The following CLHC1 variants were observed in gnomAD, a reference collection of about 807,000 sequenced individuals.
CLHC1 encodes the protein clathrin heavy chain linker domain-containing protein 1.
Under a neutral mutation model 69.5 loss-of-function variants are expected in CLHC1, and 72 were observed. That is an observed-to-expected ratio of 1.04 (90% CI 0.86 to 1.26). The LOEUF (loss-of-function observed/expected upper bound fraction) is 1.26. Among genes scored for constraint, CLHC1 ranks in the 50% most tolerant of loss-of-function variants. The pLI, the probability that CLHC1 is intolerant of heterozygous loss-of-function variation, is 0.00. For missense variants in CLHC1, 790 were observed against 679.3 expected (o/e 1.16, Z -1.81); for synonymous variants, 223 against 224.3 (o/e 0.99, Z 0.05).
At chr2:55,229,703 G>C (rs1230475665) in intron 1 of CLHC1, among the ~76,000 whole-genome samples, 31 of 152,202 alleles carry the variant, frequency 2.0e-4, no homozygotes, top group Non-Finnish European at 1.0e-4. Context: ...TAAGAATTTA[G>C]GCTTTCCTCT....
intron 2 of CLHC1, among the ~76,000 whole-genome samples, chr2:55,223,523 C>T (rs927462596): frequency 1.8e-4 from 28 of 152,256 alleles, no homozygotes; most frequent in African/African-American, 6.3e-4. Flanking sequence ...GCCTGCTGTG[C>T]TCCGAGCGCC....
At chr2:55,177,152 G>T (rs1222123135) in intron 12 of CLHC1, among the ~76,000 whole-genome samples, 1 of 152,040 alleles carries the variant, frequency 6.6e-6, no homozygotes, top group Non-Finnish European at 1.5e-5. Flanking sequence ...GGATTACAGG[G>T]GTGAGCCACT....
At chr2:55,223,414 G>GGGC (rs1025027921) in intron 2 of CLHC1, among the ~76,000 whole-genome samples, 4 of 152,162 alleles carry the variant, frequency 2.6e-5, no homozygotes, top group African/African-American at 9.7e-5. Context: ...AAAGAATCAT[G>GGGC]GGCGGCGGCG....
At chr2:55,214,083 A>G (rs1425304324) in intron 4 of CLHC1, among the ~76,000 whole-genome samples, 1 of 152,150 alleles carries the variant, frequency 6.6e-6, no homozygotes, top group African/African-American at 2.4e-5. Flanking sequence ...GCTAAAACTG[A>G]ATGGTGCAGA....
chr2:55,211,354 T>A (rs1344699713), intron 5 of CLHC1, among the ~76,000 whole-genome samples: 3 of 151,828 alleles, frequency 2.0e-5, no homozygotes, highest in Non-Finnish European at 4.4e-5. Context: ...ACAAAAAAAT[T>A]AGCCGGGCGT....
chr2:55,181,420 C>A (rs4671241), intron 10 of CLHC1, 150 bp downstream of exon 10: 287,098 of 631,394 alleles, frequency 0.45, 69,871 homozygotes, highest in Non-Finnish European at 0.5. Context: ...TGAGCCACCA[C>A]ACCCGACCAC....
At chr2:55,198,395 G>A (rs1442943883) in intron 9 of CLHC1, among the ~76,000 whole-genome samples, 2 of 152,108 alleles carry the variant, frequency 1.3e-5, no homozygotes, top group African/African-American at 4.8e-5. Flanking sequence ...AGACTGGCTG[G>A]ACCAACATGG....
chr2:55,212,273 G>A (rs1673084067), intron 5 of CLHC1, among the ~76,000 whole-genome samples: 1 of 152,080 alleles, frequency 6.6e-6, no homozygotes, highest in Non-Finnish European at 1.5e-5. Context: ...GAGAGACTAG[G>A]TCTCAAAAAA....
intron 1 of CLHC1, among the ~76,000 whole-genome samples, chr2:55,229,474 T>G (rs916286734): frequency 6.6e-6 from 1 of 152,114 alleles, no homozygotes; most frequent in Admixed American, 6.6e-5. Context: ...CCCGTGGGGC[T>G]AGAAGAGAAT....
intron 2 of CLHC1, chr2:55,225,324 A>G (rs985321238): frequency 3.3e-5 from 5 of 152,280 alleles, no homozygotes; most frequent in Non-Finnish European, 7.3e-5. Flanking sequence ...CTAGAGCGGG[A>G]TAGAATTACT....
At chr2:55,222,112 C>G (rs73936961) in intron 3 of CLHC1, 123 bp downstream of exon 3, 7 of 701,632 alleles carry the variant, frequency 1.0e-5, no homozygotes, top group South Asian at 9.5e-5. Context: ...ATGAACTTCT[C>G]AAAATCAGCA....
At chr2:55,179,931 G>A (rs1669756553) in intron 11 of CLHC1, among the ~76,000 whole-genome samples, 1 of 152,136 alleles carries the variant, frequency 6.6e-6, no homozygotes, top group Non-Finnish European at 1.5e-5. Flanking sequence ...GAGGCGGGCA[G>A]ATCACAAGAT....
At chr2:55,205,885 ACT>A (rs947637826) in intron 9 of CLHC1, among the ~76,000 whole-genome samples, 5 of 135,562 alleles carry the variant, frequency 3.7e-5, no homozygotes, top group Admixed American at 7.6e-5. Context: ...CAAGAATGAA[ACT>A]CTGTCTCAAA....
At chr2:55,183,536 T>C (rs1573603084) in intron 9 of CLHC1, among the ~76,000 whole-genome samples, 1 of 152,200 alleles carries the variant, frequency 6.6e-6, no homozygotes, top group East Asian at 1.9e-4. Flanking sequence ...TGCGTCCGAT[T>C]GAGGGTCTAC....
intron 3 of CLHC1, 111 bp downstream of exon 3, chr2:55,222,124 A>T: frequency 1.4e-6 from 1 of 735,792 alleles, no homozygotes; most frequent in Non-Finnish European, 2.2e-6. Flanking sequence ...AAATCAGCAA[A>T]TGGAATGTTA....
chr2:55,189,854 G>T (rs951058222), intron 9 of CLHC1, among the ~76,000 whole-genome samples: 13 of 152,116 alleles, frequency 8.5e-5, no homozygotes, highest in Non-Finnish European at 8.8e-5. Flanking sequence ...CACCAGAATG[G>T]CAAACTTCAT....
rs778020485 is a variant in CLHC1, at chr2:55,180,612, T to C, written c.1282A>G (p.Ser428Gly). The C allele has an allele frequency of 5.6e-6, 9 of 1,614,024 alleles. No individual in the cohort carries two copies. In the South Asian group the frequency reaches 7.7e-5, roughly 14 times the overall value. The change falls in exon 11 of 13, where the codon AGT (serine) becomes GGT (glycine). Residue 428 changes from serine (S) to glycine (G), a missense_variant. Coordinates refer to ENST00000401408, the MANE Select transcript of CLHC1 (RefSeq NM_152385.4). ...KCLALAQIVY[S>G]ECGLHKKAIL... ...GCTTTCTTGTGCAGGCCACATTCAC[T>C]GTAGACAATCTGAGCTAAAGCCAGG...
chr2:55,207,999 A>C (rs1672610304), intron 8 of CLHC1, among the ~76,000 whole-genome samples: 1 of 152,230 alleles, frequency 6.6e-6, no homozygotes, highest in Non-Finnish European at 1.5e-5. Context: ...ATAATAACTT[A>C]AGTATTAGGG....
At position 55,175,995 on chromosome 2, in the gene CLHC1, A is replaced by G. The variant is rs1669355974; in HGVS notation, c.1565-9T>C. Reference sequence around the variant, plus strand: ...AAGACTTTCTACTGCATCTGTGGGGAAAAAATACAATATTATAGTATGGCA... The same window carrying G: ...AAGACTTTCTACTGCATCTGTGGGGGAAAAATACAATATTATAGTATGGCA... On this transcript the variant is annotated splice_polypyrimidine_tract_variant and intron_variant, in intron 12 of 12. Coordinates refer to ENST00000401408, the MANE Select transcript of CLHC1 (RefSeq NM_152385.4). 1 of 1,603,358 alleles carries G rather than the reference A, an allele frequency of 6.2e-7. No homozygotes were observed. Among genetic ancestry groups the G allele is most frequent in the Non-Finnish European group, 8.5e-7 (1 of 1,171,054 alleles).
Sources: gnomAD v4.1 joint callset for allele counts (sites outside exome capture counted in the v4.1 genomes callset) on GRCh38, gnomAD v4.1.1 for gene constraint, MANE v1.5 for transcripts, NCBI Gene and HGNC (gene_info 2026-07-23, HGNC 2026-07-21) for gene names.